RAB3GAP1: variants seen among roughly 807,000 people sequenced by gnomAD.
RAB3GAP1 encodes RAB3 GTPase activating protein catalytic subunit 1, also known as rab3 GTPase-activating protein catalytic subunit.
In RAB3GAP1, 86 loss-of-function variants were observed where a neutral mutation model predicts 130.7. That is an observed-to-expected ratio of 0.66 (90% confidence interval 0.55 to 0.79). The LOEUF is 0.79. Ranked by LOEUF, RAB3GAP1 falls within the 30% of genes least tolerant of loss-of-function variation. The pLI is 0.00. For missense variants in RAB3GAP1, 1,029 were observed against 1,169.4 expected, an observed-to-expected ratio of 0.88 and a Z score of 1.75; for synonymous variants, 367 against 401.7, an observed-to-expected ratio of 0.91 and a Z score of 1.03.
At chr2:135,052,552 C>T (rs1688910341) in intron 2 of RAB3GAP1, 67 bp downstream of exon 2, 1 of 1,566,934 alleles carries the variant, frequency 6.4e-7, no homozygotes. Context: ...GCTTCCCTGA[C>T]CCCAGACACA....
At chr2:135,105,699 T>C (rs1023422276) in intron 5 of RAB3GAP1, among the ~76,000 whole-genome samples, 4 of 148,578 alleles carry the variant, frequency 2.7e-5, no homozygotes, top group Non-Finnish European at 6.0e-5. Flanking sequence ...GCCAATCGTC[T>C]GGGATGTGAG....
intron 5 of RAB3GAP1, among the ~76,000 whole-genome samples, chr2:135,101,090 G>T (rs1690434939): frequency 6.6e-6 from 1 of 152,176 alleles, no homozygotes; most frequent in Non-Finnish European, 1.5e-5. Context: ...AGCAGTAGAG[G>T]GTTGGGAATG....
chr2:135,077,725 C>A (rs1252528940), intron 3 of RAB3GAP1, among the ~76,000 whole-genome samples: 2 of 152,142 alleles, frequency 1.3e-5, no homozygotes, highest in South Asian at 2.1e-4. Context: ...GTGTTTCTTT[C>A]TTTCTAAAAA....
At chr2:135,082,407 A>G (rs1246942449) in intron 3 of RAB3GAP1, among the ~76,000 whole-genome samples, 1 of 151,882 alleles carries the variant, frequency 6.6e-6, no homozygotes, top group African/African-American at 2.4e-5. Flanking sequence ...CCTGTTCTGG[A>G]CATATCATAT....
intron 17 of RAB3GAP1, among the ~76,000 whole-genome samples, chr2:135,142,088 A>G (rs1158090652): frequency 2.0e-5 from 3 of 152,188 alleles, no homozygotes; most frequent in Admixed American, 2.0e-4. Context: ...CACATATTCA[A>G]AATCTTGCTG....
chr2:135,054,933 GT>G (rs770753066), intron 2 of RAB3GAP1, among the ~76,000 whole-genome samples: 2 of 152,184 alleles, frequency 1.3e-5, no homozygotes, highest in East Asian at 3.8e-4. Flanking sequence ...AGTACAATAT[GT>G]TATGAACTAT....
At chr2:135,116,679 G>A (rs2104918725) in intron 7 of RAB3GAP1, among the ~76,000 whole-genome samples, 1 of 152,226 alleles carries the variant, frequency 6.6e-6, no homozygotes, top group Non-Finnish European at 1.5e-5. Context: ...CTTGTTCTTA[G>A]GAATTACATG....
intron 5 of RAB3GAP1, among the ~76,000 whole-genome samples, chr2:135,100,442 T>G (rs1374763413): frequency 6.6e-6 from 1 of 152,230 alleles, no homozygotes; most frequent in African/African-American, 2.4e-5. Context: ...TTTGTTTCTG[T>G]TACCCAGGAA....
At chr2:135,111,143 A>G (rs1373823770) in intron 5 of RAB3GAP1, among the ~76,000 whole-genome samples, 1 of 152,198 alleles carries the variant, frequency 6.6e-6, no homozygotes, top group Admixed American at 6.5e-5. Context: ...AATAATAAAC[A>G]TTATGAATTA....
chr2:135,118,969 G>A (rs1691107764), intron 7 of RAB3GAP1, among the ~76,000 whole-genome samples: 1 of 152,130 alleles, frequency 6.6e-6, no homozygotes, highest in Admixed American at 6.5e-5. Flanking sequence ...TAGGTTGTCA[G>A]TGCCGCCTTC....
At chr2:135,118,028 T>A (rs2104923799) in intron 7 of RAB3GAP1, among the ~76,000 whole-genome samples, 1 of 152,178 alleles carries the variant, frequency 6.6e-6, no homozygotes, top group South Asian at 2.1e-4. Flanking sequence ...AATCTTTGTA[T>A]TTTTTGTAGA....
At chr2:135,069,962 C>T (rs1689422554) in intron 3 of RAB3GAP1, among the ~76,000 whole-genome samples, 1 of 152,210 alleles carries the variant, frequency 6.6e-6, no homozygotes, top group African/African-American at 2.4e-5. Context: ...AATGTAACAG[C>T]AGTCTCACCT....
intron 5 of RAB3GAP1, among the ~76,000 whole-genome samples, chr2:135,109,623 C>A (rs1690737948): frequency 6.6e-6 from 1 of 151,636 alleles, no homozygotes; most frequent in Non-Finnish European, 1.5e-5. Context: ...TGCTCTGTCA[C>A]CAGGCTGGAG....
At chr2:135,073,406 C>T (rs1346514155) in intron 3 of RAB3GAP1, among the ~76,000 whole-genome samples, 1 of 152,176 alleles carries the variant, frequency 6.6e-6, no homozygotes, top group African/African-American at 2.4e-5. Flanking sequence ...GATTTGGAAG[C>T]CAGGTAGAGC....
chr2:135,157,768 G>A (rs927745786), intron 19 of RAB3GAP1, among the ~76,000 whole-genome samples: 4 of 149,762 alleles, frequency 2.7e-5, no homozygotes, highest in African/African-American at 9.8e-5. Context: ...GGAGGCAGAG[G>A]TTGCAGTGAG....
rs74490004 is a variant in RAB3GAP1, at chr2:135,169,987, AAAT to A, written c.*1208_*1210del. The A allele has an allele frequency of 3.6e-6, 1 of 277,782 alleles. No individual in the cohort carries two copies. The highest frequency in any genetic ancestry group is 3.6e-5 in the South Asian group (1 of 27,606). 17.2% of individuals were successfully genotyped at this position (277,782 alleles called of 1,614,324 possible). A position where few individuals can be genotyped will look rare whatever the true frequency, so the allele number is the denominator to read the frequency against. On this transcript the variant is annotated 3_prime_UTR_variant, in exon 24 of 24. Transcript: ENST00000264158. ...CTGTTATTTTTGTAAAAAAAAAAAAAAATACATATCTATATATAATATGTGTGT... is the reference window on the plus strand; with the variant it reads ...CTGTTATTTTTGTAAAAAAAAAAAAAACATATCTATATATAATATGTGTGT...
chr2:135,118,247 A>G (rs1300046541), intron 7 of RAB3GAP1, among the ~76,000 whole-genome samples: 2 of 152,124 alleles, frequency 1.3e-5, no homozygotes, highest in African/African-American at 4.8e-5. Flanking sequence ...GTGGAACCCA[A>G]CTTACATCTT....
intron 4 of RAB3GAP1, 24 bp from the exon 5 acceptor site, chr2:135,093,591 T>C: frequency 6.3e-7 from 1 of 1,579,176 alleles, no homozygotes; most frequent in Non-Finnish European, 8.7e-7. Flanking sequence ...ATACTAACTT[T>C]TTCATTATCA....
chr2:135,057,970 G>A, intron 2 of RAB3GAP1, 41 bp from the exon 3 acceptor site: 2 of 1,337,048 alleles, frequency 1.5e-6, no homozygotes, highest in East Asian at 2.3e-5. Flanking sequence ...TAGGAAAAAA[G>A]GTGTGCTGTT....
Sources: allele counts gnomAD v4.1 joint callset (sites outside exome capture counted in the v4.1 genomes callset), GRCh38; gene constraint gnomAD v4.1.1; transcripts MANE v1.5; gene names NCBI Gene and HGNC (gene_info 2026-07-23, HGNC 2026-07-21).